The following EPHA6 variants were observed in gnomAD, a reference collection of about 807,000 sequenced individuals.
The protein encoded by EPHA6 is EPH receptor A6.
EPHA6 carries 50 observed loss-of-function variants against 112.0 expected under a neutral mutation model. That is an observed-to-expected ratio of 0.45 (90% CI 0.36 to 0.56). The LOEUF is 0.56. EPHA6 is among the 20% of genes least tolerant of loss of function. The pLI is 0.00. For missense variants in EPHA6, 1,280 were observed against 1,417.4 expected, an observed-to-expected ratio of 0.90 and a Z score of 1.56; for synonymous variants, 529 against 490.7, an observed-to-expected ratio of 1.08 and a Z score of -1.03.
At chr3:97,431,664 T>A (rs1051974627) in intron 6 of EPHA6, among the ~76,000 whole-genome samples, 1 of 152,120 alleles carries the variant, frequency 6.6e-6, no homozygotes, top group Non-Finnish European at 1.5e-5. Context: ...TATCCACAAC[T>A]CCTTGGTAAT....
intron 11 of EPHA6, among the ~76,000 whole-genome samples, chr3:97,544,213 A>C (rs1488403708): frequency 6.6e-6 from 1 of 152,116 alleles, no homozygotes. Context: ...ATTCAGTATG[A>C]TATTGGCTGT....
intron 2 of EPHA6, among the ~76,000 whole-genome samples, chr3:96,935,569 A>G (rs930405882): frequency 6.7e-6 from 1 of 149,700 alleles, no homozygotes; most frequent in Non-Finnish European, 1.5e-5. Flanking sequence ...ATATATAAAG[A>G]TAGCATATAA....
chr3:96,837,995 A>G (rs1361684311), intron 1 of EPHA6, among the ~76,000 whole-genome samples: 1 of 152,072 alleles, frequency 6.6e-6, no homozygotes, highest in Non-Finnish European at 1.5e-5. Flanking sequence ...TAAGCCCAGC[A>G]TCCATTAGCT....
intron 7 of EPHA6, among the ~76,000 whole-genome samples, chr3:97,453,750 G>A (rs555393405): frequency 1.3e-5 from 2 of 151,688 alleles, no homozygotes; most frequent in South Asian, 4.2e-4. Flanking sequence ...GTTTTTGTAT[G>A]GTTGATATGT....
At chr3:97,352,374 A>C (rs80184496) in intron 5 of EPHA6, among the ~76,000 whole-genome samples, 2 of 152,180 alleles carry the variant, frequency 1.3e-5, no homozygotes. Context: ...TTAACATCAC[A>C]TCAAGGAAAG....
chr3:96,833,447 G>A (rs1385627567), intron 1 of EPHA6, among the ~76,000 whole-genome samples: 1 of 151,826 alleles, frequency 6.6e-6, no homozygotes, highest in African/African-American at 2.4e-5. Flanking sequence ...GACAATAAAT[G>A]TCTGTGTTCT....
chr3:96,944,490 A>ACT (rs1225798833), intron 2 of EPHA6, among the ~76,000 whole-genome samples: 4 of 151,784 alleles, frequency 2.6e-5, no homozygotes, highest in Non-Finnish European at 4.4e-5. Context: ...TCTACTCTGA[A>ACT]CTCCTACTTG....
intron 11 of EPHA6, among the ~76,000 whole-genome samples, chr3:97,584,559 C>T (rs1449555460): frequency 6.6e-6 from 1 of 152,144 alleles, no homozygotes; most frequent in Non-Finnish European, 1.5e-5. Flanking sequence ...AAATTGTAGA[C>T]ACACAAATAT....
At chr3:96,961,693 T>A (rs1207917720) in intron 2 of EPHA6, among the ~76,000 whole-genome samples, 1 of 152,190 alleles carries the variant, frequency 6.6e-6, no homozygotes, top group Non-Finnish European at 1.5e-5. Context: ...GCAATTGAGA[T>A]ACTTCAGGAT....
intron 2 of EPHA6, 85 bp from the exon 3 acceptor site, chr3:96,987,245 G>C: frequency 8.0e-7 from 1 of 1,250,146 alleles, no homozygotes; most frequent in East Asian, 2.4e-5. Flanking sequence ...TTTTATTTTG[G>C]TAAAACAAAA....
intron 14 of EPHA6, among the ~76,000 whole-genome samples, chr3:97,669,896 C>A (rs2030625719): frequency 1.3e-5 from 2 of 152,154 alleles, no homozygotes; most frequent in South Asian, 4.1e-4. Context: ...GATGGATAAT[C>A]CAGGCCCTCA....
intron 5 of EPHA6, among the ~76,000 whole-genome samples, chr3:97,309,403 A>G (rs183476917): frequency 6.6e-6 from 1 of 151,732 alleles, no homozygotes; most frequent in East Asian, 1.9e-4. Context: ...AAATTTAGTA[A>G]TAGACATTAA....
At chr3:96,860,775 A>G (rs1200803883) in intron 1 of EPHA6, among the ~76,000 whole-genome samples, 1 of 152,094 alleles carries the variant, frequency 6.6e-6, no homozygotes, top group Non-Finnish European at 1.5e-5. Context: ...TTTTCTACCT[A>G]TTTAATCCCT....
At chr3:97,542,809 C>T (rs1192760405) in intron 11 of EPHA6, among the ~76,000 whole-genome samples, 13 of 151,994 alleles carry the variant, frequency 8.6e-5, no homozygotes, top group Non-Finnish European at 1.3e-4. Context: ...AGATGGTATC[C>T]CATTGTGGTT....
chr3:97,522,594 A>C (rs2092560825), intron 10 of EPHA6, among the ~76,000 whole-genome samples: 1 of 152,104 alleles, frequency 6.6e-6, no homozygotes, highest in Non-Finnish European at 1.5e-5. Context: ...TCTCTTCTTC[A>C]AGGGGAGATT....
rs1449043425 is a variant in EPHA6 at position 97,755,309 on chromosome 3, T to A, written c.*6608T>A. Among the ~76,000 whole-genome samples, 1 of 152,236 alleles carries A rather than the reference T, an allele frequency of 6.6e-6. No individual in the cohort carries two copies. The highest frequency in any genetic ancestry group is 1.5e-5 in the Non-Finnish European group (1 of 68,024). On this transcript the variant is annotated 3_prime_UTR_variant, in exon 18 of 18. Transcript: ENST00000389672. ...AACAACACAATCTTCTCAGGAGTTG[T>A]AAACTAGAAAAGTATCAGAATTAGT... is the stretch of plus-strand genomic sequence containing the variant.
intron 15 of EPHA6, among the ~76,000 whole-genome samples, chr3:97,727,231 A>G (rs146641438): frequency 6.6e-6 from 1 of 152,190 alleles, no homozygotes; most frequent in African/African-American, 2.4e-5. Context: ...ATGCTTTTAA[A>G]TAATAATGAG....
chr3:97,326,206 T>C (rs2082412191), intron 5 of EPHA6, among the ~76,000 whole-genome samples: 1 of 151,978 alleles, frequency 6.6e-6, no homozygotes. Flanking sequence ...CATAGGCATA[T>C]TATAATCTAG....
At chr3:97,194,995 AT>A (rs1228945212) in intron 3 of EPHA6, among the ~76,000 whole-genome samples, 4 of 151,320 alleles carry the variant, frequency 2.6e-5, no homozygotes, top group Non-Finnish European at 5.9e-5. Flanking sequence ...ATTGGGTCTC[AT>A]TTTTTTTGTT....
Sources: allele counts gnomAD v4.1 joint callset (sites outside exome capture counted in the v4.1 genomes callset), GRCh38; gene constraint gnomAD v4.1.1; transcripts MANE v1.5; gene names NCBI Gene and HGNC (gene_info 2026-07-23, HGNC 2026-07-21).